Variants in SUCLG2 observed in about 807,000 individuals in gnomAD.
The protein encoded by SUCLG2 is succinate-CoA ligase GDP-forming subunit beta, also known as succinate--CoA ligase [GDP-forming] subunit beta, mitochondrial.
Under a neutral mutation model 47.9 loss-of-function variants are expected in SUCLG2, and 42 were observed. The ratio of observed to expected loss-of-function variants is 0.88; its 90% CI spans 0.69 to 1.14. SUCLG2 has a LOEUF of 1.14. Ranked by LOEUF, SUCLG2 falls within the 50% of genes most tolerant of loss-of-function variation. The probability of loss-of-function intolerance (pLI) is 0.00; values close to 1 mark genes in which losing one functional copy is unlikely to be tolerated. For missense variants in SUCLG2, 571 were observed against 525.9 expected (o/e 1.09, Z -0.84); for synonymous variants, 195 against 197.3 (o/e 0.99, Z 0.10).
chr3:67,544,650 G>A (rs930157513), intron 2 of SUCLG2, among the ~76,000 whole-genome samples: 1 of 152,182 alleles, frequency 6.6e-6, no homozygotes, highest in Non-Finnish European at 1.5e-5. Context: ...ACGTCATGAG[G>A]AAGAGCTGTG....
intron 9 of SUCLG2, among the ~76,000 whole-genome samples, chr3:67,407,385 A>T: frequency 6.6e-6 from 1 of 152,190 alleles, no homozygotes; most frequent in South Asian, 2.1e-4. Context: ...TGATAACACA[A>T]AGGTACCCAG....
intron 9 of SUCLG2, among the ~76,000 whole-genome samples, chr3:67,404,968 A>AT (rs35223699): frequency 0.48 from 64,465 of 134,778 alleles, 16,017 homozygotes; most frequent in Middle Eastern, 0.68. Context: ...GGCAAAGAGA[A>AT]TTTTTTTTTT....
At chr3:67,567,886 C>A (rs932039516) in intron 2 of SUCLG2, among the ~76,000 whole-genome samples, 1 of 152,104 alleles carries the variant, frequency 6.6e-6, no homozygotes, top group Non-Finnish European at 1.5e-5. Flanking sequence ...AAAGTTAATT[C>A]AATTGTACTT....
At chr3:67,545,000 C>T (rs1420651297) in intron 2 of SUCLG2, among the ~76,000 whole-genome samples, 1 of 152,104 alleles carries the variant, frequency 6.6e-6, no homozygotes, top group African/African-American at 2.4e-5. Context: ...ATAATTTTAT[C>T]ATGCCAGTCT....
At chr3:67,523,785 T>C (rs1246971191) in intron 4 of SUCLG2, among the ~76,000 whole-genome samples, 1 of 152,236 alleles carries the variant, frequency 6.6e-6, no homozygotes, top group Non-Finnish European at 1.5e-5. Flanking sequence ...CATAATACTG[T>C]TCATTTTCTA....
chr3:67,535,502 G>C (rs1472944210), intron 2 of SUCLG2, among the ~76,000 whole-genome samples: 1 of 152,120 alleles, frequency 6.6e-6, no homozygotes, highest in Non-Finnish European at 1.5e-5. Flanking sequence ...TCCAGTGTTG[G>C]AGGACAGGCC....
At chr3:67,482,992 A>G (rs1340272577) in intron 9 of SUCLG2, among the ~76,000 whole-genome samples, 1 of 152,194 alleles carries the variant, frequency 6.6e-6, no homozygotes, top group African/African-American at 2.4e-5. Flanking sequence ...AAACCCACAG[A>G]TAAGCTGGAA....
chr3:67,489,418 A>G (rs1216580098), intron 9 of SUCLG2, among the ~76,000 whole-genome samples: 1 of 152,134 alleles, frequency 6.6e-6, no homozygotes, highest in Non-Finnish European at 1.5e-5. Context: ...GGAAGTGGAG[A>G]CTAAATGACC....
chr3:67,555,394 G>A (rs1477262283), intron 2 of SUCLG2, among the ~76,000 whole-genome samples: 1 of 152,006 alleles, frequency 6.6e-6, no homozygotes, highest in African/African-American at 2.4e-5. Context: ...ATGTGTGTTT[G>A]TGTATGTCTA....
intron 2 of SUCLG2, among the ~76,000 whole-genome samples, chr3:67,547,570 G>C (rs962511189): frequency 8.5e-5 from 13 of 152,128 alleles, no homozygotes; most frequent in Admixed American, 7.2e-4. Context: ...GGAACAGTCT[G>C]TCATAATGCA....
At chr3:67,409,173 A>C in intron 9 of SUCLG2, 1 of 928,496 alleles carries the variant, frequency 1.1e-6, no homozygotes, top group East Asian at 2.7e-5. Flanking sequence ...TTTCCTAGTT[A>C]GATGGGGCTG....
At chr3:67,652,782 A>G (rs1397575302) in intron 1 of SUCLG2, among the ~76,000 whole-genome samples, 1 of 152,222 alleles carries the variant, frequency 6.6e-6, no homozygotes, top group South Asian at 2.1e-4. Context: ...GTATCGTTGA[A>G]TATGTCATTG....
chr3:67,554,635 C>T (rs1000513430), intron 2 of SUCLG2, among the ~76,000 whole-genome samples: 7 of 152,048 alleles, frequency 4.6e-5, no homozygotes, highest in Admixed American at 1.3e-4. Context: ...TAAAATAATA[C>T]GTTGAAAACT....
chr3:67,440,354 T>A (rs1041215290), intron 9 of SUCLG2, among the ~76,000 whole-genome samples: 4 of 152,082 alleles, frequency 2.6e-5, no homozygotes, highest in Non-Finnish European at 5.9e-5. Context: ...CCAAAAGCAA[T>A]GGCAACAAAA....
At chr3:67,603,834 T>C (rs994865841) in intron 2 of SUCLG2, among the ~76,000 whole-genome samples, 3 of 152,194 alleles carry the variant, frequency 2.0e-5, no homozygotes, top group African/African-American at 7.2e-5. Context: ...CAAAGAGAAC[T>C]GAAAAGGTAA....
chr3:67,394,531 C>G, intron 10 of SUCLG2, among the ~76,000 whole-genome samples: 1 of 151,242 alleles, frequency 6.6e-6, no homozygotes, highest in African/African-American at 2.4e-5. Flanking sequence ...GTGAAAAGAT[C>G]AAATCTACGT....
intron 9 of SUCLG2, among the ~76,000 whole-genome samples, chr3:67,404,179 T>G (rs946640072): frequency 5.3e-5 from 8 of 152,166 alleles, no homozygotes; most frequent in African/African-American, 1.9e-4. Context: ...CCACCGTGCC[T>G]GGCCTCTTCC....
intron 10 of SUCLG2, among the ~76,000 whole-genome samples, chr3:67,383,756 G>C (rs1010669701): frequency 6.6e-6 from 1 of 151,838 alleles, no homozygotes; most frequent in African/African-American, 2.4e-5. Flanking sequence ...GTTAACCCTT[G>C]AAAAAAAGCA....
chr3:67,534,768 C>CAAAAAAAAAAAAAAAAAAAA (rs60612549), intron 2 of SUCLG2, among the ~76,000 whole-genome samples: 1 of 34,930 alleles, frequency 2.9e-5, no homozygotes, highest in African/African-American at 8.9e-5. Context: ...ACACTGATGG[C>CAAAAAAAAAAAAAAAAAAAA]AAAAAAAAAA....
Sources: gnomAD v4.1 joint callset for allele counts (sites outside exome capture counted in the v4.1 genomes callset) on GRCh38, gnomAD v4.1.1 for gene constraint, MANE v1.5 for transcripts, NCBI Gene and HGNC (gene_info 2026-07-23, HGNC 2026-07-21) for gene names.